ZZEF1: variants seen among roughly 807,000 people sequenced by gnomAD.
ZZEF1 encodes zinc finger ZZ-type and EF-hand domain-containing protein 1.
A neutral mutation model predicts 342.8 loss-of-function variants in ZZEF1; 157 were observed. The observed-to-expected ratio is 0.46, with a 90% CI of 0.40 to 0.52. The LOEUF is 0.52. ZZEF1 is among the 20% of genes least tolerant of loss of function. ZZEF1 has a pLI of 0.00. For synonymous variants in ZZEF1, 1,505 were observed against 1,429.1 expected, an observed-to-expected ratio of 1.05 and a Z score of -1.20; for missense variants, 3,480 against 3,725.6, an observed-to-expected ratio of 0.93 and a Z score of 1.72.
At chr17:4,101,296 T>C (rs71366589) in intron 9 of ZZEF1, among the ~76,000 whole-genome samples, 1,847 of 151,488 alleles carry the variant, frequency 0.012, 23 homozygotes, top group Non-Finnish European at 0.021. Context: ...CGAGGACTCA[T>C]TGCTGAGAGG....
At chr17:4,010,585 C>T (rs1271969909) in intron 52 of ZZEF1, among the ~76,000 whole-genome samples, 4 of 151,112 alleles carry the variant, frequency 2.6e-5, no homozygotes, top group African/African-American at 9.7e-5. Flanking sequence ...ATTAGCTGAG[C>T]GTGGTGGTGG....
rs185804054 is a variant in ZZEF1 at position 4,020,334 on chromosome 17, A to G, written c.7405-565T>C. 2.0e-4 allele frequency among the ~76,000 whole-genome samples: 30 copies of G among 152,332 alleles called. No homozygotes were observed. The East Asian group carries it at 4.2e-3, about 22-fold the overall frequency. On this transcript the variant is annotated intron_variant, in intron 45 of 54. Transcript: ENST00000381638. The stretch of plus-strand genomic sequence containing the variant: ...CATCATCATTTTCTGTATTTTGCCA[A>G]CTGGATTCATAGCTTTTACTTATTC...
Position 4,052,103 on chromosome 17 carries a change from T to C in ZZEF1, c.5468A>G (p.His1823Arg), listed in dbSNP as rs760445220. 6.2e-7 allele frequency: 1 copy of C among 1,614,054 alleles called. No individual in the cohort carries two copies. Among genetic ancestry groups the C allele is most frequent in the Non-Finnish European group, 8.5e-7 (1 of 1,179,958 alleles). The change falls in exon 35 of 55, where the codon CAT becomes CGT. Residue 1823 changes from histidine to arginine, a missense_variant. Physicochemically the swap from His to Arg is conservative, Grantham distance 29. Transcript: ENST00000381638. ...GGTAAACTCCATGTTGACCATTTCA[T>C]GGTCGTCTCCGTGGCCCTCAGGCTT... ...GVKPEGHGDD[H>R]EMVNMEFTCD...
intron 27 of ZZEF1, 48 bp downstream of exon 27, chr17:4,067,115 G>A (rs376368147): frequency 1.2e-5 from 17 of 1,473,876 alleles, no homozygotes; most frequent in African/African-American, 2.8e-5. Flanking sequence ...ATGATATCAC[G>A]GTAGAAAACC....
intron 2 of ZZEF1, among the ~76,000 whole-genome samples, chr17:4,120,231 C>T (rs2058461294): frequency 6.6e-6 from 1 of 152,036 alleles, no homozygotes; most frequent in Admixed American, 6.6e-5. Flanking sequence ...GTGGCGGGTG[C>T]CTGTAATTCC....
At chr17:4,130,468 T>C (rs1567868191) in intron 1 of ZZEF1, among the ~76,000 whole-genome samples, 1 of 150,946 alleles carries the variant, frequency 6.6e-6, no homozygotes, top group Non-Finnish European at 1.5e-5. Flanking sequence ...TAAAAATAAA[T>C]AAATAAAAAT....
At chr17:4,074,090 G>A in intron 24 of ZZEF1, 60 bp downstream of exon 24, 1 of 1,584,574 alleles carries the variant, frequency 6.3e-7, no homozygotes, top group Non-Finnish European at 8.6e-7. Flanking sequence ...AAGAGGGCAA[G>A]CGCGCATCTT....
chr17:4,142,995 G>C lies in ZZEF1; in HGVS notation c.-100C>G. The C allele has an allele frequency of 7.9e-7, 1 of 1,270,666 alleles. No homozygotes were observed. Among genetic ancestry groups the C allele is most frequent in the Non-Finnish European group, 9.9e-7 (1 of 1,013,042 alleles). 78.7% of individuals were successfully genotyped at this position (1,270,666 alleles called of 1,614,324 possible). A position where few individuals can be genotyped will look rare whatever the true frequency, so the allele number is the denominator to read the frequency against. ...AGCAGCTGGCGGGCGGGGACGCGGA[G>C]GAGACGACGGCGGCCCCTGCGGCTT... is the stretch of plus-strand genomic sequence containing the variant. On this transcript the variant is annotated 5_prime_UTR_variant, in exon 1 of 55. Coordinates refer to ENST00000381638, the MANE Select transcript of ZZEF1 (RefSeq NM_015113.4).
intron 23 of ZZEF1, 147 bp downstream of exon 23, chr17:4,074,950 T>G: frequency 1.2e-6 from 1 of 853,816 alleles, no homozygotes; most frequent in Non-Finnish European, 1.8e-6. Flanking sequence ...CTATAGCTGG[T>G]CAAACTCTGA....
Position 4,049,835 on chromosome 17 carries a change from C to T in ZZEF1, c.5888G>A (p.Gly1963Asp). ...GCTCGAGTCCCCATCTGGCAATACACCCAGCAAAGCTAGAGCTTTAAGGCC... is the reference window on the plus strand; with the variant it reads ...GCTCGAGTCCCCATCTGGCAATACATCCAGCAAAGCTAGAGCTTTAAGGCC... ...GKGLKALALL[G>D]VLPDGDSSLE... Residue 1963 changes from glycine (G) to aspartate (D), a missense_variant, in exon 37 of 55, where the codon GGT (glycine) becomes GAT (aspartate). By Grantham distance (94) the Gly-to-Asp change is moderately conservative. Transcript: ENST00000381638. 6.2e-7 allele frequency: 1 copy of T among 1,614,106 alleles called. No homozygotes were observed. Among genetic ancestry groups the T allele is most frequent in the Non-Finnish European group, 8.5e-7 (1 of 1,180,004 alleles).
chr17:4,109,987 G>A, intron 5 of ZZEF1, 124 bp from the exon 6 acceptor site: 1 of 837,520 alleles, frequency 1.2e-6, no homozygotes, highest in Admixed American at 2.6e-5. Context: ...ACACTTTGAT[G>A]ACAGAAATAA....
intron 5 of ZZEF1, among the ~76,000 whole-genome samples, chr17:4,112,033 AATATATATATATATATATAT>A (rs57925351): frequency 0.011 from 578 of 54,336 alleles, 6 homozygotes; most frequent in African/African-American, 0.015. Flanking sequence ...ATCCTGTCTA[AATATATATATATATATATAT>A]ATATATATAT....
intron 1 of ZZEF1, among the ~76,000 whole-genome samples, chr17:4,126,703 C>T (rs1239904268): frequency 6.6e-6 from 1 of 152,158 alleles, no homozygotes; most frequent in Non-Finnish European, 1.5e-5. Flanking sequence ...GTCTATAATT[C>T]CAGCACCTTG....
rs1045315423 is a variant in ZZEF1 at position 4,051,966 on chromosome 17, C to T, written c.5600+5G>A. 1.6e-5 allele frequency: 25 copies of T among 1,612,816 alleles called. No homozygotes were observed. The highest frequency in any genetic ancestry group is 2.1e-5 in the Non-Finnish European group (25 of 1,179,252). On this transcript the variant is annotated splice_donor_5th_base_variant and intron_variant, in intron 35 of 54. Coordinates refer to ENST00000381638, the MANE Select transcript of ZZEF1 (RefSeq NM_015113.4). ...GCTTGGTGGCGACGGTCACTTGAGA[C>T]ATACCCGTAGGAGTATTTCTTCGCT... is the stretch of plus-strand genomic sequence containing the variant.
intron 34 of ZZEF1, 138 bp downstream of exon 34, chr17:4,053,919 G>T: frequency 2.1e-6 from 2 of 944,050 alleles, no homozygotes; most frequent in Non-Finnish European, 3.1e-6. Context: ...TAAGGCTCAT[G>T]TTCGCCAAGA....
At position 4,087,551 on chromosome 17, in the gene ZZEF1, A is replaced by C. The variant is rs2057855380; in HGVS notation, c.2242-17T>G. 1.3e-6 allele frequency: 2 copies of C among 1,584,142 alleles called. No homozygotes were observed. The highest frequency in any genetic ancestry group is 1.4e-5 in the African/African-American group (1 of 73,156). On this transcript the variant is annotated splice_polypyrimidine_tract_variant and intron_variant, in intron 13 of 54. Transcript: ENST00000381638. ...CTGCTGCACCTAAAAAATTATAAAG[A>C]TCAGAATAAATAAAACTGAAAAATG... is the stretch of plus-strand genomic sequence containing the variant.
rs1430073049 is a variant in ZZEF1 at position 4,142,595 on chromosome 17, G to C, written c.301C>G (p.Arg101Gly). The C allele has an allele frequency of 6.2e-7, 1 of 1,604,742 alleles. No individual in the cohort carries two copies. Among genetic ancestry groups the C allele is most frequent in the East Asian group, 2.2e-5 (1 of 44,816 alleles). ...GEESVTLEQF[R>G]ELLEARGAGC... ...GCGCCGCGAGCCTCCAGCAGCTCCCGGAACTGCTCCAGAGTGACAGACTCT... is the reference window on the plus strand; with the variant it reads ...GCGCCGCGAGCCTCCAGCAGCTCCCCGAACTGCTCCAGAGTGACAGACTCT... The change falls in exon 1 of 55, where the codon CGG becomes GGG. Residue 101 changes from arginine (R) to glycine (G), a missense_variant. Coordinates refer to ENST00000381638, the MANE Select transcript of ZZEF1 (RefSeq NM_015113.4).
At chr17:4,042,038 G>C (rs2056814355) in intron 39 of ZZEF1, among the ~76,000 whole-genome samples, 1 of 152,130 alleles carries the variant, frequency 6.6e-6, no homozygotes, top group Non-Finnish European at 1.5e-5. Context: ...GAGAAGTATT[G>C]AGGGTGAAGT....
chr17:4,114,487 A>G lies in ZZEF1; in HGVS notation c.695-17T>C. On this transcript the variant is annotated splice_polypyrimidine_tract_variant and intron_variant, in intron 3 of 54. Coordinates refer to ENST00000381638, the MANE Select transcript of ZZEF1 (RefSeq NM_015113.4). ...CAGGGCTTTCTGTAGGGGAAACCAG[A>G]GTTGATTATATGACATCCCTTTCAC... The G allele has an allele frequency of 6.8e-7, 1 of 1,478,882 alleles. No homozygotes were observed. Among genetic ancestry groups the G allele is most frequent in the Non-Finnish European group, 9.0e-7 (1 of 1,109,736 alleles). The allele number at this position is 1,478,882 out of a possible 1,614,324, so 91.6% of individuals were successfully genotyped here.
Sources: allele counts gnomAD v4.1 joint callset (sites outside exome capture counted in the v4.1 genomes callset), GRCh38; gene constraint gnomAD v4.1.1; transcripts MANE v1.5; gene names NCBI Gene and HGNC (gene_info 2026-07-23, HGNC 2026-07-21).